Variants in EPHX3 observed in about 807,000 individuals in gnomAD.
EPHX3 encodes epoxide hydrolase 3, also known as abhydrolase domain containing 9.
In EPHX3, 39 loss-of-function variants were observed where a neutral mutation model predicts 40.2. That is an observed-to-expected ratio of 0.97 (90% CI 0.75 to 1.27). The LOEUF (loss-of-function observed/expected upper bound fraction) is 1.27, where lower values mean the gene tolerates loss of function less well. EPHX3 is among the 50% of genes most tolerant of loss of function. The pLI, the probability that EPHX3 is intolerant of heterozygous loss-of-function variation, is 0.00. For synonymous variants in EPHX3, 213 were observed against 209.7 expected (o/e 1.02, Z -0.14); for missense variants, 442 against 474.0 (o/e 0.93, Z 0.63).
Position 15,231,034 on chromosome 19 carries a change from A to T in EPHX3, c.544T>A (p.Phe182Ile). 1 of 1,614,118 alleles carries T rather than the reference A, an allele frequency of 6.2e-7. No homozygotes were observed. Among genetic ancestry groups the T allele is most frequent in the Non-Finnish European group, 8.5e-7 (1 of 1,180,032 alleles). ...ACCAGGGATGGGTAGTAGATGGAGA[A>T]ATGCCAGGCAAGGAGGGCACCCCAG... ...HDWGALLAWHFSIYYPSLVER... is the reference protein window; with the variant it reads ...HDWGALLAWHISIYYPSLVER... The change falls in exon 4 of 7, where the codon TTC becomes ATC. Residue 182 changes from phenylalanine (F) to isoleucine (I), a missense_variant. By Grantham distance (21) the Phe-to-Ile change is conservative (BLOSUM62 0). Transcript: ENST00000221730.
chr19:15,227,506 C>T lies in EPHX3; in HGVS notation c.1014G>A (p.Trp338Ter). Residue 338 changes from tryptophan (W) to a stop codon, truncating the protein, a stop_gained, in exon 7 of 7, where the codon TGG (tryptophan) becomes TGA (stop). Transcript: ENST00000221730. LOFTEE classifies it high-confidence loss of function. ...EAHILPGIGH[W>*]IPQSNPQEMH... ...TCTCCTGGGGGTTGCTCTGTGGGAT[C>T]CAATGCCCTATGCCTGGCAGGATGT... 4.3e-6 allele frequency: 7 copies of T among 1,614,174 alleles called. No individual in the cohort carries two copies. Among genetic ancestry groups the T allele is most frequent in the Non-Finnish European group, 5.9e-6 (7 of 1,180,042 alleles).
rs749027645 is a variant in EPHX3, at chr19:15,227,598, T to A, written c.922A>T (p.Thr308Ser). ...PTLLLWGEKD[T>S]YLELGLVEAI... is the part of the protein sequence containing the mutation. ...TCCACCAGCCCCAGCTCCAAGTAAG[T>A]GTCCTTCTCCCCCCACAGCAGCAAT... The change falls in exon 7 of 7, where the codon ACT becomes TCT. Residue 308 changes from threonine to serine, a missense_variant. Transcript: ENST00000221730. 1 of 1,614,066 alleles carries A rather than the reference T, an allele frequency of 6.2e-7. No homozygotes were observed. Among genetic ancestry groups the A allele is most frequent in the Admixed American group, 1.7e-5 (1 of 60,006 alleles).
Position 15,232,049 on chromosome 19 carries a change from A to G in EPHX3, c.163T>C (p.Cys55Arg). ...GACGCGCTCCGACGGCGCCCGCAGC[A>G]GCCGCGCCGGGGCCGGCACAGCACG... ...THVLCRPRRG[C>R]CGRRRSASPA... The change falls in exon 1 of 7, where the codon TGC (cysteine) becomes CGC (arginine). Residue 55 changes from cysteine (C) to arginine (R), a missense_variant. Cys to Arg is a radical substitution (Grantham distance 180). Transcript: ENST00000221730. 1 of 1,582,548 alleles carries G rather than the reference A, an allele frequency of 6.3e-7. No individual in the cohort carries two copies. The highest frequency in any genetic ancestry group is 8.5e-7 in the Non-Finnish European group (1 of 1,170,812).
At position 15,232,083 on chromosome 19, in the gene EPHX3, C is replaced by T. The variant is rs201751885; in HGVS notation, c.129G>A (p.Ala43=). 1.9e-6 allele frequency: 3 copies of T among 1,564,520 alleles called. No homozygotes were observed. The highest frequency in any genetic ancestry group is 2.3e-5 in the East Asian group (1 of 43,336). ...LVAAAVYGCI[A]LTHVLCRPRR... ...GGGGCCGGCACAGCACGTGCGTGAG[C>T]GCTATGCAGCCGTAGACCGCCGCGG... The change falls in exon 1 of 7, where the codon GCG becomes GCA. Residue 43 remains alanine, a synonymous_variant. Transcript: ENST00000221730.
At chr19:15,231,888 T>A in intron 1 of EPHX3, 27 bp from the exon 2 acceptor site, 1 of 1,613,314 alleles carries the variant, frequency 6.2e-7, no homozygotes, top group Non-Finnish European at 8.5e-7. Flanking sequence ...GCCTGAAGCC[T>A]GGGGAACCCT....
upstream of EPHX3, among the ~76,000 whole-genome samples, chr19:15,234,860 G>A (rs2047179756): frequency 6.6e-6 from 1 of 152,204 alleles, no homozygotes; most frequent in Non-Finnish European, 1.5e-5. Context: ...TTCTGCCTCA[G>A]TGAACAATGC....
chr19:15,227,117 C>G lies in EPHX3; in HGVS notation c.*320G>C. 1 of 389,452 alleles carries G rather than the reference C, an allele frequency of 2.6e-6. No homozygotes were observed. Among genetic ancestry groups the G allele is most frequent in the South Asian group, 2.9e-5 (1 of 34,788 alleles). The allele number at this position is 389,452 out of a possible 1,614,324, so 24.1% of individuals were successfully genotyped here. On this transcript the variant is annotated 3_prime_UTR_variant, in exon 7 of 7. Transcript: ENST00000221730. ...GCAGAGAAGCGACTTTGGCAAAGCG[C>G]AGAGTGAGGCCCCAGGAAGGGAGGA...
In EPHX3 at chr19:15,227,399, T is replaced by G; in HGVS notation, c.*38A>C. ...CAGATAATGGGTGTGTGTTCCTTCC[T>G]GAGTATCCATGCCTCCTGGGCAGGC... On this transcript the variant is annotated 3_prime_UTR_variant, in exon 7 of 7. Coordinates refer to ENST00000221730, the MANE Select transcript of EPHX3 (RefSeq NM_024794.3). The G allele has an allele frequency of 5.8e-6, 9 of 1,542,750 alleles. No individual in the cohort carries two copies. The highest frequency in any genetic ancestry group is 7.2e-6 in the Non-Finnish European group (8 of 1,115,842).
intron 4 of EPHX3, among the ~76,000 whole-genome samples, chr19:15,228,550 G>A (rs1420516161): frequency 5.4e-5 from 6 of 110,416 alleles, no homozygotes; most frequent in Non-Finnish European, 8.3e-5. Context: ...ACAGAGTCTC[G>A]CTCTGTCGCC....
chr19:15,234,720 C>A (rs1393507721), upstream of EPHX3, among the ~76,000 whole-genome samples: 2 of 152,224 alleles, frequency 1.3e-5, no homozygotes, highest in Non-Finnish European at 2.9e-5. Context: ...CACTTGTCAC[C>A]TCTTGCCCCT....
upstream of EPHX3, chr19:15,235,386 A>C (rs1259010141): frequency 2.6e-5 from 4 of 151,954 alleles, no homozygotes; most frequent in African/African-American, 9.7e-5. Context: ...CGACTCCGCT[A>C]ATCTGGACGC....
upstream of EPHX3, chr19:15,236,803 T>G (rs898513394): frequency 5.6e-6 from 1 of 178,446 alleles, no homozygotes; most frequent in Non-Finnish European, 1.2e-5. Context: ...TAGGCAACAG[T>G]TGGTTCACAA....
In EPHX3 at chr19:15,229,632, C is replaced by T. The variant is rs565907591; in HGVS notation, c.616+1330G>A. ...AAAAGGGGCCAGGCGTGGTGGCTCACGCCTATACTCCCAGCACTTTGAGAG... is the reference window on the plus strand; with the variant it reads ...AAAAGGGGCCAGGCGTGGTGGCTCATGCCTATACTCCCAGCACTTTGAGAG... On this transcript the variant is annotated intron_variant, in intron 4 of 6. Coordinates refer to ENST00000221730, the MANE Select transcript of EPHX3 (RefSeq NM_024794.3). Among the ~76,000 whole-genome samples, 145 of 148,912 alleles carry T rather than the reference C, an allele frequency of 9.7e-4. 1 individual carries two copies. The East Asian group carries it at 0.015, about 15-fold the overall frequency.
chr19:15,235,280 T>G (rs1398305565), upstream of EPHX3, among the ~76,000 whole-genome samples: 3 of 152,154 alleles, frequency 2.0e-5, no homozygotes, highest in African/African-American at 4.8e-5. Flanking sequence ...GTGCTGGGAT[T>G]ACAGATGTGA....
rs570288303 is a variant in EPHX3, at chr19:15,231,411, A to C, written c.330-15T>G. The C allele has an allele frequency of 3.7e-6, 6 of 1,612,304 alleles. No individual in the cohort carries two copies. The East Asian group carries it at 6.7e-5, about 18-fold the overall frequency. ...GCCAGGAGAACCTGCCAGGCGGGCG[A>C]GGGAGGGAGGCTGAGTCAGGGCCCT... On this transcript the variant is annotated splice_polypyrimidine_tract_variant and intron_variant, in intron 2 of 6. Coordinates refer to ENST00000221730, the MANE Select transcript of EPHX3 (RefSeq NM_024794.3).
In EPHX3 at chr19:15,231,952, C is replaced by A. The variant is rs1240626920; in HGVS notation, c.243+17G>T. The A allele has an allele frequency of 1.2e-6, 2 of 1,612,178 alleles. No individual in the cohort carries two copies. Among genetic ancestry groups the A allele is most frequent in the Non-Finnish European group, 1.7e-6 (2 of 1,179,788 alleles). On this transcript the variant is annotated intron_variant, in intron 1 of 6. Coordinates refer to ENST00000221730, the MANE Select transcript of EPHX3 (RefSeq NM_024794.3). Reference sequence around the variant, plus strand: ...CCACGCGACCCCGCAGCCCCGATAGCGCCCCCGTGCGATCACCTTGAGGTT... The same window carrying A: ...CCACGCGACCCCGCAGCCCCGATAGAGCCCCCGTGCGATCACCTTGAGGTT...
Position 15,232,362 on chromosome 19 carries a change from G to A in EPHX3, c.-151C>T, listed in dbSNP as rs1441480585. The A allele has an allele frequency of 1.1e-5, 15 of 1,374,786 alleles. No homozygotes were observed. The highest frequency in any genetic ancestry group is 1.5e-5 in the African/African-American group (1 of 64,876). The allele number at this position is 1,374,786 out of a possible 1,614,324, so 85.2% of individuals were successfully genotyped here. ...TGGGACGCGCTGAAGGAAGAGGCGGGCGGCTCCGACAGAAAACAGCCAGAG... is the reference window on the plus strand; with the variant it reads ...TGGGACGCGCTGAAGGAAGAGGCGGACGGCTCCGACAGAAAACAGCCAGAG... On this transcript the variant is annotated 5_prime_UTR_variant, in exon 1 of 7. Coordinates refer to ENST00000221730, the MANE Select transcript of EPHX3 (RefSeq NM_024794.3).
chr19:15,231,845 A>T lies in EPHX3; in HGVS notation c.260T>A (p.Leu87Gln). 6.2e-7 allele frequency: 1 copy of T among 1,613,906 alleles called. No individual in the cohort carries two copies. The highest frequency in any genetic ancestry group is 1.3e-5 in the African/African-American group (1 of 75,054). Residue 87 changes from leucine (L) to glutamine (Q), a missense_variant, in exon 2 of 7, where the codon CTG becomes CAG. Transcript: ENST00000221730. ...FLNLKSSGLR[L>Q]HYVSAGRGNG... ...ACCTCGTCCAGCCGAGACATAGTGC[A>T]GACGCAGGCCCGAGCTCTAGGGGGA...
chr19:15,234,075 A>AG (rs1481000016), upstream of EPHX3, among the ~76,000 whole-genome samples: 1 of 151,498 alleles, frequency 6.6e-6, no homozygotes, highest in Admixed American at 6.6e-5. Context: ...AAAAAAAAAA[A>AG]GCAGCCAGCT....
Sources: gnomAD v4.1 joint callset for allele counts (sites outside exome capture counted in the v4.1 genomes callset) on GRCh38, gnomAD v4.1.1 for gene constraint, MANE v1.5 for transcripts, NCBI Gene and HGNC (gene_info 2026-07-23, HGNC 2026-07-21) for gene names.